The following KANK1 variants were observed in gnomAD, a reference collection of about 807,000 sequenced individuals.
KANK1 encodes KN motif and ankyrin repeat domain-containing protein 1.
KANK1 carries 109 observed loss-of-function variants against 106.2 expected under a neutral mutation model. The ratio of observed to expected loss-of-function variants is 1.03; its 90% confidence interval spans 0.88 to 1.20. KANK1 has a LOEUF of 1.20. Ranked by LOEUF, KANK1 falls within the 50% of genes most tolerant of loss-of-function variation. The pLI, the probability that KANK1 is intolerant of heterozygous loss-of-function variation, is 0.00. For missense variants in KANK1, 2,399 were observed against 1,710.7 expected (o/e 1.40, Z -7.10); for synonymous variants, 873 against 652.2 (o/e 1.34, Z -5.16).
intron 1 of KANK1, among the ~76,000 whole-genome samples, chr9:612,017 C>T (rs977800464): frequency 7.2e-5 from 11 of 152,142 alleles, no homozygotes; most frequent in East Asian, 1.9e-4. Context: ...CGCGCCCGGC[C>T]GACCATCTAA....
intron 1 of KANK1, among the ~76,000 whole-genome samples, chr9:636,975 T>C (rs955575928): frequency 6.6e-6 from 1 of 152,230 alleles, no homozygotes; most frequent in Non-Finnish European, 1.5e-5. Flanking sequence ...AGTCCTTCTG[T>C]AGTCCCCTAT....
In KANK1 at chr9:712,372, A is replaced by T. The variant is rs145851446; in HGVS notation, c.1606A>T (p.Thr536Ser). 1 of 1,614,196 alleles carries T rather than the reference A, an allele frequency of 6.2e-7. No homozygotes were observed. The highest frequency in any genetic ancestry group is 1.3e-5 in the African/African-American group (1 of 75,050). ...CGGCAGTCACATGGACCTGGTGGACACGTGTGTTGGGACCTCCGTGGAAAC... is the reference window on the plus strand; with the variant it reads ...CGGCAGTCACATGGACCTGGTGGACTCGTGTGTTGGGACCTCCGTGGAAAC... ...MVGSHMDLVD[T>S]CVGTSVETNS... The change falls in exon 3 of 12, where the codon ACG (threonine) becomes TCG (serine). Residue 536 changes from threonine (T) to serine (S), a missense_variant. Thr to Ser is a moderately conservative substitution (Grantham distance 58). Transcript: ENST00000382297.
intron 1 of KANK1, among the ~76,000 whole-genome samples, chr9:532,219 G>A (rs949269295): frequency 2.0e-5 from 3 of 150,486 alleles, no homozygotes; most frequent in Non-Finnish European, 4.4e-5. Context: ...GATTTAAAAG[G>A]AGTTTGAGAG....
intron 2 of KANK1, among the ~76,000 whole-genome samples, chr9:698,236 A>G (rs1821798907): frequency 6.6e-6 from 1 of 152,096 alleles, no homozygotes; most frequent in African/African-American, 2.4e-5. Flanking sequence ...TCTTAGCCTC[A>G]CAGGCATTTT....
chr9:509,202 A>G (rs966172500), intron 1 of KANK1, among the ~76,000 whole-genome samples: 2 of 152,074 alleles, frequency 1.3e-5, no homozygotes, highest in African/African-American at 2.4e-5. Flanking sequence ...AGTTCAAGCA[A>G]TTCTCCTGCC....
intron 1 of KANK1, among the ~76,000 whole-genome samples, chr9:638,859 G>C (rs1395389076): frequency 6.6e-6 from 1 of 152,170 alleles, no homozygotes; most frequent in East Asian, 1.9e-4. Flanking sequence ...TTACTGCCAG[G>C]AAGAGACAGA....
At chr9:571,487 A>G (rs1819148569) in intron 1 of KANK1, among the ~76,000 whole-genome samples, 1 of 152,192 alleles carries the variant, frequency 6.6e-6, no homozygotes. Context: ...TAGCCAAGGA[A>G]GTCACATGTT....
chr9:687,845 C>T lies in KANK1; in HGVS notation c.37+10836C>T, dbSNP rs114162738. Among the ~76,000 whole-genome samples, 235 of 152,208 alleles carry T rather than the reference C, an allele frequency of 1.5e-3. 2 individuals carry two copies. The highest frequency in any genetic ancestry group is 5.3e-3 in the African/African-American group (220 of 41,508). On this transcript the variant is annotated intron_variant, in intron 2 of 11. Transcript: ENST00000382297. ...ATCAGTTGCTTTTAATTAAGAGTTA[C>T]GGTTGTGTGCGTCACTAATCTTATA...
chr9:727,640 C>A (rs2131591162), intron 3 of KANK1, among the ~76,000 whole-genome samples: 1 of 151,344 alleles, frequency 6.6e-6, no homozygotes, highest in South Asian at 2.1e-4. Context: ...ATTAAAACTA[C>A]CATAGCTGTT....
intron 1 of KANK1, among the ~76,000 whole-genome samples, chr9:638,666 G>A (rs1837683327): frequency 6.6e-6 from 1 of 152,142 alleles, no homozygotes; most frequent in Non-Finnish European, 1.5e-5. Context: ...CCATTCTTTT[G>A]AGATAGATGG....
intron 1 of KANK1, among the ~76,000 whole-genome samples, chr9:567,995 T>G (rs1408085221): frequency 7.8e-6 from 1 of 128,012 alleles, no homozygotes; most frequent in Non-Finnish European, 1.5e-5. Context: ...GCATTGTTGG[T>G]TTTTTTTTTT....
chr9:484,776 GC>G (rs2058262977), intron 3 of KANK1, among the ~76,000 whole-genome samples: 1 of 152,286 alleles, frequency 6.6e-6, no homozygotes, highest in African/African-American at 2.4e-5. Flanking sequence ...GCCTGCAGTG[GC>G]CCCAGTGAGC....
chr9:532,838 A>G (rs1028164597), intron 1 of KANK1, among the ~76,000 whole-genome samples: 1 of 152,094 alleles, frequency 6.6e-6, no homozygotes, highest in South Asian at 2.1e-4. Context: ...GTAGGGTCTC[A>G]ACCTTGTTTT....
chr9:637,098 T>A (rs1303331392), intron 1 of KANK1, among the ~76,000 whole-genome samples: 1 of 152,164 alleles, frequency 6.6e-6, no homozygotes, highest in Admixed American at 6.5e-5. Flanking sequence ...ATTCCACTCC[T>A]CCAACAACTC....
At chr9:646,114 A>T (rs1839615308) in intron 1 of KANK1, among the ~76,000 whole-genome samples, 2 of 150,884 alleles carry the variant, frequency 1.3e-5, no homozygotes, top group Non-Finnish European at 2.9e-5. Context: ...TTTGTTTAGG[A>T]TACCTATTTT....
chr9:711,315 G>C lies in KANK1; in HGVS notation c.549G>C (p.Arg183Ser). 4 of 1,614,158 alleles carry C rather than the reference G, an allele frequency of 2.5e-6. No individual in the cohort carries two copies. The highest frequency in any genetic ancestry group is 1.3e-5 in the African/African-American group (1 of 75,038). Residue 183 changes from arginine to serine, a missense_variant, in exon 3 of 12, where the codon AGG becomes AGC. Physicochemically the swap from Arg to Ser is moderately radical, Grantham distance 110. Coordinates refer to ENST00000382297, the MANE Select transcript of KANK1 (RefSeq NM_015158.5). ...QMTPGEFRRPRLASFGGMGTT... is the reference protein window; with the variant it reads ...QMTPGEFRRPSLASFGGMGTT... ...CACCGGGTGAGTTCAGAAGGCCCAG[G>C]CTGGCCAGTTTTGGAGGCATGGGCA...
At chr9:658,368 C>G (rs1842588679) in intron 1 of KANK1, among the ~76,000 whole-genome samples, 1 of 152,134 alleles carries the variant, frequency 6.6e-6, no homozygotes, top group Non-Finnish European at 1.5e-5. Context: ...CTAGCCTCTG[C>G]TTACCTCTCA....
intron 1 of KANK1, among the ~76,000 whole-genome samples, chr9:557,746 A>C (rs1411320829): frequency 1.3e-5 from 2 of 152,188 alleles, no homozygotes; most frequent in Non-Finnish European, 2.9e-5. Flanking sequence ...AAGGACCTGT[A>C]CGGCCAGGTG....
chr9:702,173 G>T (rs751223415), intron 2 of KANK1, among the ~76,000 whole-genome samples: 1 of 152,012 alleles, frequency 6.6e-6, no homozygotes, highest in Non-Finnish European at 1.5e-5. Flanking sequence ...AAACTTAGTT[G>T]GGAGCGAGAG....
Sources: gnomAD v4.1 joint callset for allele counts (sites outside exome capture counted in the v4.1 genomes callset) on GRCh38, gnomAD v4.1.1 for gene constraint, MANE v1.5 for transcripts, NCBI Gene and HGNC (gene_info 2026-07-23, HGNC 2026-07-21) for gene names.